Variants in ZNF292 observed in about 807,000 individuals in gnomAD.
The protein encoded by ZNF292 is 16 zinc-finger domain protein.
In ZNF292, 26 loss-of-function variants were observed where a neutral mutation model predicts 217.9. That is an observed-to-expected ratio of 0.12 (90% CI 0.09 to 0.17). The LOEUF is 0.17. Ranked by LOEUF, ZNF292 falls within the 10% of genes least tolerant of loss-of-function variation. ZNF292 has a pLI of 1.00. For synonymous variants in ZNF292, 1,257 were observed against 1,124.1 expected (o/e 1.12, Z -2.37); for missense variants, 2,904 against 3,175.2 (o/e 0.91, Z 2.05).
chr6:87,230,137 A>G (rs182560788), intron 4 of ZNF292, among the ~76,000 whole-genome samples: 147 of 152,348 alleles, frequency 9.6e-4, no homozygotes, highest in African/African-American at 3.3e-3. Flanking sequence ...CTTGAGCACA[A>G]CTGAATAGAT....
At chr6:87,200,856 A>G (rs1772081956) in intron 1 of ZNF292, among the ~76,000 whole-genome samples, 1 of 152,244 alleles carries the variant, frequency 6.6e-6, no homozygotes. Flanking sequence ...CATTGAGTAT[A>G]TATGGGAATG....
intron 4 of ZNF292, among the ~76,000 whole-genome samples, chr6:87,226,895 G>T (rs1773384994): frequency 6.6e-6 from 1 of 151,804 alleles, no homozygotes; most frequent in Non-Finnish European, 1.5e-5. Context: ...GGCCAGGCTG[G>T]TCTCAAACTC....
At position 87,262,002 on chromosome 6, in the gene ZNF292, C is replaced by T. The variant is rs1775631763; in HGVS notation, c.*201C>T. 2 of 376,184 alleles carry T rather than the reference C, an allele frequency of 5.3e-6. No individual in the cohort carries two copies. Among genetic ancestry groups the T allele is most frequent in the South Asian group, 6.2e-5 (1 of 16,182 alleles). The allele number at this position is 376,184 out of a possible 1,614,324, so 23.3% of individuals were successfully genotyped here. A position where few individuals can be genotyped will look rare whatever the true frequency, so the allele number is the denominator to read the frequency against. ...CCCTATGGGACTTGAGGAACAGAAT[C>T]AGTACTTCAGTTATTGTAAATAGTG... is the stretch of plus-strand genomic sequence containing the variant. On this transcript the variant is annotated 3_prime_UTR_variant, in exon 8 of 8. Coordinates refer to ENST00000369577, the MANE Select transcript of ZNF292 (RefSeq NM_015021.3).
chr6:87,226,651 AT>A (rs1454139329), intron 4 of ZNF292, among the ~76,000 whole-genome samples: 1 of 88,668 alleles, frequency 1.1e-5, no homozygotes, highest in Non-Finnish European at 2.0e-5. Flanking sequence ...ATATATCTAT[AT>A]ATATATAGAT....
chr6:87,170,692 G>C (rs1030684776), intron 1 of ZNF292, among the ~76,000 whole-genome samples: 4 of 151,984 alleles, frequency 2.6e-5, no homozygotes, highest in Admixed American at 2.6e-4. Context: ...TGTTTTATTT[G>C]AGCAAAAGAA....
chr6:87,188,568 T>A (rs1489677268), intron 1 of ZNF292, among the ~76,000 whole-genome samples: 3 of 152,052 alleles, frequency 2.0e-5, no homozygotes, highest in Non-Finnish European at 4.4e-5. Context: ...GGAGAGCAAA[T>A]CAGATAACAC....
At chr6:87,170,223 G>A (rs1249736112) in intron 1 of ZNF292, 1 of 152,124 alleles carries the variant, frequency 6.6e-6, no homozygotes, top group African/African-American at 2.4e-5. Flanking sequence ...TGAATCTGGT[G>A]ATTTATTCCA....
chr6:87,243,697 T>C (rs183971461), intron 6 of ZNF292, 86 bp downstream of exon 6: 2 of 1,218,310 alleles, frequency 1.6e-6, no homozygotes, highest in East Asian at 2.8e-5. Context: ...CTTAGGAACA[T>C]AATTTAAAAT....
At position 87,259,860 on chromosome 6, in the gene ZNF292, C is replaced by T. The variant is rs767419227; in HGVS notation, c.6231C>T (p.Thr2077=). 7.4e-6 allele frequency: 12 copies of T among 1,613,090 alleles called. No individual in the cohort carries two copies. The highest frequency in any genetic ancestry group is 1.0e-5 in the Non-Finnish European group (12 of 1,179,554). ...CAAATGCACTCACAAACACACAAAC[C>T]AAAGGACGGAAGATTAGGAGGCATA... is the stretch of plus-strand genomic sequence containing the variant. ...CNTNALTNTQ[T]KGRKIRRHKK... Residue 2077 remains threonine, a synonymous_variant, in exon 8 of 8, where the codon ACC becomes ACT. Coordinates refer to ENST00000369577, the MANE Select transcript of ZNF292 (RefSeq NM_015021.3).
At chr6:87,241,759 T>C (rs1774298897) in intron 5 of ZNF292, among the ~76,000 whole-genome samples, 1 of 152,212 alleles carries the variant, frequency 6.6e-6, no homozygotes, top group African/African-American at 2.4e-5. Flanking sequence ...ATGATTGGAT[T>C]TGTGGCTTAA....
In ZNF292 at chr6:87,258,169, A is replaced by T; in HGVS notation, c.4540A>T (p.Thr1514Ser). The change falls in exon 8 of 8, where the codon ACA becomes TCA. Residue 1514 changes from threonine (T) to serine (S), a missense_variant. By Grantham distance (58) the Thr-to-Ser change is moderately conservative. Coordinates refer to ENST00000369577, the MANE Select transcript of ZNF292 (RefSeq NM_015021.3). ...TGCCGAAATGCTTTCTCATGTTTCA[A>T]CAGGTTGTGTCTCTGATGCATCACA... Reference protein sequence around the residue: ...EGAEMLSHVSTGCVSDASQVN... With the variant: ...EGAEMLSHVSSGCVSDASQVN... The T allele has an allele frequency of 5.0e-6, 8 of 1,611,924 alleles. No individual in the cohort carries two copies. Among genetic ancestry groups the T allele is most frequent in the Non-Finnish European group, 5.9e-6 (7 of 1,179,088 alleles).
In ZNF292 at chr6:87,255,446, TAAG is replaced by T; in HGVS notation, c.1822_1824del (p.Arg608del). On this transcript the variant is annotated inframe_deletion, in exon 8 of 8. Transcript: ENST00000369577. ...GAGAGACTAGCAGCTATGAAACCAT[TAAG>T]AAGATTGGGAAGGCCTCCAAAGATC... 5 of 1,613,680 alleles carry T rather than the reference TAAG, an allele frequency of 3.1e-6. No homozygotes were observed. The highest frequency in any genetic ancestry group is 3.4e-6 in the Non-Finnish European group (4 of 1,179,812).
At chr6:87,174,861 A>T (rs1771230532) in intron 1 of ZNF292, among the ~76,000 whole-genome samples, 1 of 152,210 alleles carries the variant, frequency 6.6e-6, no homozygotes, top group Admixed American at 6.5e-5. Flanking sequence ...ATGCAAATAT[A>T]CTCAGTGCTA....
rs1775545092 is a variant in ZNF292 at position 87,260,905 on chromosome 6, G to A, written c.7276G>A (p.Val2426Ile). The A allele has an allele frequency of 3.1e-6, 5 of 1,610,488 alleles. No homozygotes were observed. Among genetic ancestry groups the A allele is most frequent in the South Asian group, 1.1e-5 (1 of 90,522 alleles). Reference sequence around the variant, plus strand: ...ATCACAACACCGAAATCTTCTTATTGTATTCAAACGGTGTTGCAACTCACA... The same window carrying A: ...ATCACAACACCGAAATCTTCTTATTATATTCAAACGGTGTTGCAACTCACA... ...FTSQHRNLLI[V>I]FKRCCNSQVK... Residue 2426 changes from valine (V) to isoleucine (I), a missense_variant, in exon 8 of 8, where the codon GTA (valine) becomes ATA (isoleucine). Physicochemically the swap from Val to Ile is conservative, Grantham distance 29. Around this residue, in one of 15 missense-constraint regions of ZNF292, gnomAD observed 380 missense variants for 355.3 expected, o/e 1.07. Coordinates refer to ENST00000369577, the MANE Select transcript of ZNF292 (RefSeq NM_015021.3).
chr6:87,194,630 A>G (rs1473062436), intron 1 of ZNF292, among the ~76,000 whole-genome samples: 2 of 152,306 alleles, frequency 1.3e-5, no homozygotes, highest in Admixed American at 6.5e-5. Flanking sequence ...AATTGAATCA[A>G]GAAAAGTCTG....
chr6:87,222,035 A>G (rs1178571115), intron 4 of ZNF292, among the ~76,000 whole-genome samples: 1 of 152,160 alleles, frequency 6.6e-6, no homozygotes, highest in South Asian at 2.1e-4. Context: ...CTACGTTTGT[A>G]TACTTTTTCT....
At position 87,256,896 on chromosome 6, in the gene ZNF292, G is replaced by T; in HGVS notation, c.3267G>T (p.Val1089=). The change falls in exon 8 of 8, where the codon GTG becomes GTT. Residue 1089 remains valine, a synonymous_variant. Coordinates refer to ENST00000369577, the MANE Select transcript of ZNF292 (RefSeq NM_015021.3). The part of the protein sequence containing the change: ...DLSNSLGTPS[V]PPKAPVQKFS... The stretch of plus-strand genomic sequence containing the variant: ...GTAATTCATTAGGAACTCCATCAGT[G>T]CCTCCAAAAGCTCCAGTTCAGAAAT... 2 of 1,613,780 alleles carry T rather than the reference G, an allele frequency of 1.2e-6. No individual in the cohort carries two copies. The highest frequency in any genetic ancestry group is 8.5e-7 in the Non-Finnish European group (1 of 1,179,824).
chr6:87,249,440 T>G (rs1449486479), intron 7 of ZNF292: 2 of 276,294 alleles, frequency 7.2e-6, no homozygotes, highest in South Asian at 6.1e-5. Context: ...CGCAGCAGCC[T>G]TCTTGACAGG....
At chr6:87,157,965 G>A (rs1171714674) in intron 1 of ZNF292, among the ~76,000 whole-genome samples, 1 of 152,174 alleles carries the variant, frequency 6.6e-6, no homozygotes, top group Non-Finnish European at 1.5e-5. Flanking sequence ...ACCCACCTCT[G>A]TTTCCCAAAG....
Sources: gnomAD v4.1 joint callset for allele counts (sites outside exome capture counted in the v4.1 genomes callset) on GRCh38, gnomAD v4.1.1 for gene constraint, gnomAD v4.1.1 regional missense constraint, MANE v1.5 for transcripts, NCBI Gene and HGNC (gene_info 2026-07-23, HGNC 2026-07-21) for gene names.